The following TUBD1 variants were observed in gnomAD, a reference collection of about 807,000 sequenced individuals.
The protein encoded by TUBD1 is tubulin delta chain.
In TUBD1, 38 loss-of-function variants were observed where a neutral mutation model predicts 51.2. The observed-to-expected ratio is 0.74, with a 90% confidence interval of 0.57 to 0.97. TUBD1 has a LOEUF of 0.97. Among genes scored for constraint, TUBD1 ranks in the 50% least tolerant of loss-of-function variants. The pLI is 0.00. For synonymous variants in TUBD1, 169 were observed against 178.2 expected (o/e 0.95, Z 0.41); for missense variants, 489 against 538.4 (o/e 0.91, Z 0.91).
chr17:59,861,828 C>T (rs1476941101), intron 8 of TUBD1, among the ~76,000 whole-genome samples: 78 of 150,438 alleles, frequency 5.2e-4, no homozygotes, highest in African/African-American at 1.9e-3. Context: ...CCACCACGCC[C>T]AGCTGTTTTT....
At chr17:59,869,302 C>T (rs1014544466) in intron 6 of TUBD1, among the ~76,000 whole-genome samples, 20 of 151,240 alleles carry the variant, frequency 1.3e-4, no homozygotes, top group African/African-American at 3.9e-4. Context: ...GGTGAAACCC[C>T]GTCTCTACTA....
chr17:59,890,698 G>GAAATGA, intron 2 of TUBD1, 133 bp downstream of exon 2: 1 of 743,960 alleles, frequency 1.3e-6, no homozygotes, highest in South Asian at 2.4e-5. Context: ...TATTAACATA[G>GAAATGA]AAATGAAAAG....
chr17:59,886,220 G>C lies in TUBD1; in HGVS notation c.183C>G (p.Ala61=), dbSNP rs754495086. The part of the protein sequence containing the change: ...FSEEENGVPI[A]RAVLVDMEPK... ...GTTCCATGTCAACAAGAACAGCCCG[G>C]GCAATTGGAACTAGAGGGGGAAAAA... Residue 61 remains alanine (A), a synonymous_variant, in exon 3 of 9, where the codon GCC becomes GCG. Coordinates refer to ENST00000325752, the MANE Select transcript of TUBD1 (RefSeq NM_016261.4). 2.5e-6 allele frequency: 4 copies of C among 1,611,258 alleles called. No homozygotes were observed. The highest frequency in any genetic ancestry group is 2.2e-5 in the South Asian group (2 of 90,356).
chr17:59,883,084 C>T (rs531137445), intron 3 of TUBD1, among the ~76,000 whole-genome samples: 54 of 151,784 alleles, frequency 3.6e-4, no homozygotes, highest in South Asian at 3.5e-3. Context: ...CATACCCAGC[C>T]GCCCGGCTAA....
At chr17:59,885,610 T>C in intron 3 of TUBD1, 1 of 935,880 alleles carries the variant, frequency 1.1e-6, no homozygotes, top group Non-Finnish European at 1.7e-6. Context: ...TTCCTAGAAA[T>C]TTAACCTTAA....
intron 6 of TUBD1, among the ~76,000 whole-genome samples, chr17:59,869,361 A>G (rs1186210242): frequency 6.6e-6 from 1 of 151,608 alleles, no homozygotes; most frequent in Non-Finnish European, 1.5e-5. Context: ...CTGTAGTCCC[A>G]GCTATTTGGG....
At chr17:59,865,365 T>G (rs906953068) in intron 7 of TUBD1, among the ~76,000 whole-genome samples, 11 of 150,554 alleles carry the variant, frequency 7.3e-5, no homozygotes, top group Admixed American at 1.4e-4. Flanking sequence ...GAGACCAGCC[T>G]GGTCTGCAGT....
At chr17:59,869,809 A>C (rs146683273) in intron 6 of TUBD1, among the ~76,000 whole-genome samples, 72 of 152,332 alleles carry the variant, frequency 4.7e-4, no homozygotes, top group African/African-American at 1.6e-3. Context: ...TTTGTGGTAT[A>C]ATATATGCTA....
intron 2 of TUBD1, among the ~76,000 whole-genome samples, chr17:59,886,885 T>C (rs1440213867): frequency 1.3e-5 from 2 of 151,516 alleles, no homozygotes; most frequent in East Asian, 3.9e-4. Context: ...ATCCCGATCC[T>C]ACTAAAAATA....
intron 5 of TUBD1, among the ~76,000 whole-genome samples, chr17:59,876,073 T>G (rs1050068711): frequency 6.6e-6 from 1 of 152,194 alleles, no homozygotes; most frequent in Non-Finnish European, 1.5e-5. Context: ...TGGAGTGTCC[T>G]CTAAATGTAG....
intron 2 of TUBD1, among the ~76,000 whole-genome samples, chr17:59,887,002 T>C (rs978933596): frequency 4.6e-5 from 7 of 151,342 alleles, no homozygotes; most frequent in African/African-American, 1.7e-4. Context: ...CTGGCCAACA[T>C]GGTGAAAACC....
In TUBD1 at chr17:59,860,054, C is replaced by T. The variant is rs2039366202; in HGVS notation, c.*268G>A. On this transcript the variant is annotated 3_prime_UTR_variant, in exon 9 of 9. Coordinates refer to ENST00000325752, the MANE Select transcript of TUBD1 (RefSeq NM_016261.4). The stretch of plus-strand genomic sequence containing the variant: ...TTTTTGAGACGGAGTCTCGCTCTGT[C>T]GCCCAGGCTGGAGTGCAGTGGCGCG... 3 of 183,036 alleles carry T rather than the reference C, an allele frequency of 1.6e-5. No homozygotes were observed. Among genetic ancestry groups the T allele is most frequent in the Admixed American group, 1.6e-4 (2 of 12,872 alleles). 11.3% of individuals were successfully genotyped at this position (183,036 alleles called of 1,614,324 possible).
chr17:59,862,190 G>A (rs1316794551), intron 8 of TUBD1, among the ~76,000 whole-genome samples: 2 of 151,380 alleles, frequency 1.3e-5, no homozygotes, highest in East Asian at 2.1e-4. Flanking sequence ...CGGTGTAGTG[G>A]TGCATGCCTG....
chr17:59,886,055 A>G, intron 3 of TUBD1, 28 bp downstream of exon 3: 2 of 1,612,712 alleles, frequency 1.2e-6, no homozygotes, highest in East Asian at 2.2e-5. Context: ...CTGTCACTAA[A>G]CTGAAAATCA....
At chr17:59,873,843 T>C (rs1314470336) in intron 6 of TUBD1, among the ~76,000 whole-genome samples, 73 of 133,022 alleles carry the variant, frequency 5.5e-4, no homozygotes, top group Middle Eastern at 5.4e-3. Flanking sequence ...CCAGCCTGGG[T>C]GACAGAGCGA....
intron 3 of TUBD1, among the ~76,000 whole-genome samples, chr17:59,884,485 G>C (rs1323008369): frequency 6.6e-6 from 1 of 151,020 alleles, no homozygotes; most frequent in Non-Finnish European, 1.5e-5. Context: ...ATGGTGGCAG[G>C]TACCTGTAAT....
At chr17:59,870,380 A>C (rs1455601011) in intron 6 of TUBD1, among the ~76,000 whole-genome samples, 6 of 47,566 alleles carry the variant, frequency 1.3e-4, no homozygotes, top group African/African-American at 5.1e-4. Flanking sequence ...CACAAAAAAA[A>C]AAAAAAAAAA....
intron 5 of TUBD1, 121 bp from the exon 6 acceptor site, chr17:59,874,824 AT>A (rs1469492621): frequency 1.1e-5 from 8 of 731,140 alleles, no homozygotes; most frequent in Middle Eastern, 3.9e-4. Context: ...TCAGACCAGA[AT>A]TATTTAATCT....
At position 59,874,727 on chromosome 17, in the gene TUBD1, C is replaced by A. The variant is rs751262131; in HGVS notation, c.770-24G>T. On this transcript the variant is annotated intron_variant, in intron 5 of 8. Transcript: ENST00000325752. ...TCCTGTAAAGAAAAAAAAATCTGAA[C>A]TAATTTTTTTTTATTCTACATTGTT... 145 of 1,592,972 alleles carry A rather than the reference C, an allele frequency of 9.1e-5. 1 individual carries two copies. In the South Asian group the frequency reaches 1.3e-3, roughly 15 times the overall value.
Sources: gnomAD v4.1 joint callset for allele counts (sites outside exome capture counted in the v4.1 genomes callset) on GRCh38, gnomAD v4.1.1 for gene constraint, MANE v1.5 for transcripts, NCBI Gene and HGNC (gene_info 2026-07-23, HGNC 2026-07-21) for gene names.